The following DDR2 variants were observed in gnomAD, a reference collection of about 807,000 sequenced individuals.
The protein encoded by DDR2 is discoidin domain-containing receptor 2.
Under a neutral mutation model 94.9 loss-of-function variants are expected in DDR2, and 27 were observed. The ratio of observed to expected loss-of-function variants is 0.28; its 90% CI spans 0.21 to 0.39. The LOEUF is 0.39. Ranked by LOEUF, DDR2 falls within the 10% of genes least tolerant of loss-of-function variation. DDR2 has a pLI of 1.00. For synonymous variants in DDR2, 382 were observed against 377.2 expected, an observed-to-expected ratio of 1.01 and a Z score of -0.15; for missense variants, 783 against 1,076.0, an observed-to-expected ratio of 0.73 and a Z score of 3.81.
rs1383565094 is a variant in DDR2, at chr1:162,783,290, T to C, written c.*3044T>C. 1 of 151,998 alleles carries C rather than the reference T, an allele frequency of 6.6e-6. No individual in the cohort carries two copies. The highest frequency in any genetic ancestry group is 1.9e-4 in the East Asian group (1 of 5,184). The allele number at this position is 151,998 out of a possible 1,614,324, so 9.4% of individuals were successfully genotyped here. A position where few individuals can be genotyped will look rare whatever the true frequency, so the allele number is the denominator to read the frequency against. On this transcript the variant is annotated 3_prime_UTR_variant, in exon 18 of 18. Transcript: ENST00000367921. ...ACATATGATCAGAAAAGATCTAGAG[T>C]GCAAAGAGGTGCCTGAGGAGCAAAA...
At chr1:162,657,704 C>T (rs2101913584) in intron 2 of DDR2, among the ~76,000 whole-genome samples, 1 of 152,200 alleles carries the variant, frequency 6.6e-6, no homozygotes, top group Admixed American at 6.5e-5. Flanking sequence ...TTAGAGTTCC[C>T]AGAGGGAGAA....
chr1:162,633,862 G>T (rs1236861846), intron 1 of DDR2, among the ~76,000 whole-genome samples: 2 of 152,182 alleles, frequency 1.3e-5, no homozygotes, highest in African/African-American at 4.8e-5. Context: ...TTCATGCTCA[G>T]AGCTCTTCAT....
intron 1 of DDR2, among the ~76,000 whole-genome samples, chr1:162,654,314 T>C (rs1436069404): frequency 1.3e-5 from 2 of 151,804 alleles, no homozygotes; most frequent in Non-Finnish European, 2.9e-5. Context: ...GGCATGGTGG[T>C]GTGTGCCTGT....
chr1:162,752,273 C>G (rs1479928898), intron 3 of DDR2, among the ~76,000 whole-genome samples: 1 of 152,330 alleles, frequency 6.6e-6, no homozygotes, highest in Middle Eastern at 3.4e-3. Context: ...TCTCTGGACT[C>G]CCATTTTTGT....
intron 1 of DDR2, among the ~76,000 whole-genome samples, chr1:162,637,476 A>G (rs1015828078): frequency 1.3e-5 from 2 of 152,158 alleles, no homozygotes; most frequent in African/African-American, 4.8e-5. Context: ...AATTCCTTCT[A>G]CCCTTTGCAC....
chr1:162,704,652 G>C (rs1192840739), intron 2 of DDR2, among the ~76,000 whole-genome samples: 1 of 152,290 alleles, frequency 6.6e-6, no homozygotes, highest in Admixed American at 6.5e-5. Flanking sequence ...AAGCAGTGAG[G>C]CATCTCTGCG....
intron 2 of DDR2, among the ~76,000 whole-genome samples, chr1:162,698,689 A>T (rs1302088087): frequency 1.3e-5 from 2 of 152,150 alleles, no homozygotes; most frequent in African/African-American, 4.8e-5. Flanking sequence ...AGAAGGTTGC[A>T]TCAGGAATGT....
intron 2 of DDR2, among the ~76,000 whole-genome samples, chr1:162,698,736 G>A (rs1235684755): frequency 1.3e-5 from 2 of 152,202 alleles, no homozygotes; most frequent in South Asian, 2.1e-4. Flanking sequence ...GAGGCTTGTA[G>A]GCACTTTGTA....
At position 162,755,680 on chromosome 1, in the gene DDR2, C is replaced by T; in HGVS notation, c.582C>T (p.Tyr194=). Residue 194 remains tyrosine (Y), a synonymous_variant, in exon 7 of 18, where the codon TAC becomes TAT. Transcript: ENST00000367921. ...CCTTTGCAGATGGCTTGGTGTCTTA[C>T]AATGCTCCAGCTGGGCAGCAGTTTG... The part of the protein sequence containing the change: ...GCVWLDGLVS[Y]NAPAGQQFVL... 1 of 1,614,152 alleles carries T rather than the reference C, an allele frequency of 6.2e-7. No individual in the cohort carries two copies. The highest frequency in any genetic ancestry group is 2.2e-5 in the East Asian group (1 of 44,880).
chr1:162,719,267 C>T, intron 3 of DDR2, 122 bp downstream of exon 3: 1 of 1,542,016 alleles, frequency 6.5e-7, no homozygotes, highest in South Asian at 1.2e-5. Flanking sequence ...TTTTAAATCT[C>T]CATGGTGAAA....
chr1:162,737,658 A>C (rs1387278030), intron 3 of DDR2, among the ~76,000 whole-genome samples: 3 of 115,032 alleles, frequency 2.6e-5, no homozygotes, highest in Admixed American at 9.6e-5. Context: ...ATTTATAGTC[A>C]TTTGGGTATA....
intron 1 of DDR2, among the ~76,000 whole-genome samples, chr1:162,650,611 A>C (rs1438471563): frequency 1.3e-5 from 2 of 152,062 alleles, no homozygotes; most frequent in South Asian, 4.2e-4. Flanking sequence ...TAAATACATA[A>C]ATAAATAAAT....
chr1:162,774,648 G>A (rs1047351194), intron 14 of DDR2, among the ~76,000 whole-genome samples: 1 of 152,094 alleles, frequency 6.6e-6, no homozygotes, highest in Admixed American at 6.5e-5. Context: ...GTGGCATGAG[G>A]GGAAACAAAA....
At chr1:162,631,930 G>A (rs1158207973), upstream of DDR2, 1 of 152,034 alleles carries the variant, frequency 6.6e-6, no homozygotes, top group African/African-American at 2.4e-5. Flanking sequence ...GGTGGGGGGA[G>A]CCGTGGTGGG....
chr1:162,768,766 G>A (rs1664121945), intron 11 of DDR2, among the ~76,000 whole-genome samples: 1 of 152,182 alleles, frequency 6.6e-6, no homozygotes, highest in African/African-American at 2.4e-5. Context: ...CCACAAGTAT[G>A]TCTACCAGTC....
intron 1 of DDR2, among the ~76,000 whole-genome samples, chr1:162,642,892 A>G (rs1027676590): frequency 1.3e-5 from 2 of 152,184 alleles, no homozygotes; most frequent in African/African-American, 4.8e-5. Flanking sequence ...ACTGCTGCTT[A>G]ATATCATGTT....
chr1:162,772,095 A>G lies in DDR2; in HGVS notation c.1576A>G (p.Ile526Val). 1 of 1,614,148 alleles carries G rather than the reference A, an allele frequency of 6.2e-7. No homozygotes were observed. Among genetic ancestry groups the G allele is most frequent in the Non-Finnish European group, 8.5e-7 (1 of 1,180,022 alleles). ...GGTGCCCCACTATGCAGAGGCTGAC[A>G]TAGTGAACCTCCAAGGAGTGACAGG... Reference protein sequence around the residue: ...EGVPHYAEADIVNLQGVTGGN... With the variant: ...EGVPHYAEADVVNLQGVTGGN... Residue 526 changes from isoleucine (I) to valine (V), a missense_variant, in exon 13 of 18, where the codon ATA becomes GTA. Physicochemically the swap from Ile to Val is conservative, Grantham distance 29 (BLOSUM62 3). Coordinates refer to ENST00000367921, the MANE Select transcript of DDR2 (RefSeq NM_006182.4).
rs769151554 is a variant in DDR2, at chr1:162,775,832, A to G, written c.2037A>G (p.Val679=). The change falls in exon 15 of 18, where the codon GTA becomes GTG. Residue 679 remains valine, a synonymous_variant. Transcript: ENST00000367921. ...HEPPNSSSSD[V]RTVSYTNLKF... is the part of the protein sequence containing the mutation. ...CCCCTAATTCTTCCTCCAGCGATGT[A>G]CGCACTGTCAGGTAAACAAGCCAGG... 1.2e-6 allele frequency: 2 copies of G among 1,614,024 alleles called. No homozygotes were observed. Among genetic ancestry groups the G allele is most frequent in the South Asian group, 1.1e-5 (1 of 91,076 alleles).
chr1:162,664,741 T>C (rs1232093799), intron 2 of DDR2, among the ~76,000 whole-genome samples: 1 of 152,212 alleles, frequency 6.6e-6, no homozygotes, highest in African/African-American at 2.4e-5. Context: ...TGAAAAGTCA[T>C]AAATGAGCAT....
Sources: gnomAD v4.1 joint callset for allele counts (sites outside exome capture counted in the v4.1 genomes callset) on GRCh38, gnomAD v4.1.1 for gene constraint, MANE v1.5 for transcripts, NCBI Gene and HGNC (gene_info 2026-07-23, HGNC 2026-07-21) for gene names.